The following SH3GL3 variants were observed in gnomAD, a reference collection of about 807,000 sequenced individuals.
The protein encoded by SH3GL3 is endophilin-A3.
A neutral mutation model predicts 47.7 loss-of-function variants in SH3GL3; 33 were observed. That is an observed-to-expected ratio of 0.69 (90% CI 0.52 to 0.92). The LOEUF is 0.92. SH3GL3 is among the 40% of genes least tolerant of loss of function. The pLI, the probability that SH3GL3 is intolerant of heterozygous loss-of-function variation, is 0.00. For missense variants in SH3GL3, 363 were observed against 417.8 expected, an observed-to-expected ratio of 0.87 and a Z score of 1.14; for synonymous variants, 155 against 148.8, an observed-to-expected ratio of 1.04 and a Z score of -0.30.
intron 1 of SH3GL3, among the ~76,000 whole-genome samples, chr15:83,468,796 T>A (rs1384961967): frequency 6.9e-6 from 1 of 145,904 alleles, no homozygotes; most frequent in Middle Eastern, 3.4e-3. Context: ...TGGTCTTTAG[T>A]AGTGTTTTTT....
At chr15:83,549,710 T>G (rs1341138265) in intron 1 of SH3GL3, among the ~76,000 whole-genome samples, 1 of 152,194 alleles carries the variant, frequency 6.6e-6, no homozygotes, top group Non-Finnish European at 1.5e-5. Context: ...GAACATAGCT[T>G]GTCAGGTTTG....
intron 1 of SH3GL3, among the ~76,000 whole-genome samples, chr15:83,494,311 A>G (rs2041994741): frequency 6.6e-6 from 1 of 152,216 alleles, no homozygotes; most frequent in Non-Finnish European, 1.5e-5. Flanking sequence ...GAGGGTGGCC[A>G]TGGAGAACCT....
chr15:83,579,607 C>T (rs566871741), intron 6 of SH3GL3, among the ~76,000 whole-genome samples: 48 of 152,110 alleles, frequency 3.2e-4, no homozygotes, highest in Non-Finnish European at 6.2e-4. Flanking sequence ...ATGATAAAGA[C>T]AGTGGTGATA....
In SH3GL3 at chr15:83,568,665, C is replaced by T; in HGVS notation, c.324C>T (p.Ser108=). ...LKYGKELGED[S]TFGNALIEVG... ...ACGGGAAGGAGCTCGGGGAAGACTCCACCTTTGGTGAGTTATTCAGAGATC... is the reference window on the plus strand; with the variant it reads ...ACGGGAAGGAGCTCGGGGAAGACTCTACCTTTGGTGAGTTATTCAGAGATC... The change falls in exon 4 of 9, where the codon TCC becomes TCT. Residue 108 remains serine, a synonymous_variant. Coordinates refer to ENST00000427482, the MANE Select transcript of SH3GL3 (RefSeq NM_003027.5). 1.9e-6 allele frequency: 3 copies of T among 1,613,386 alleles called. No homozygotes were observed. Among genetic ancestry groups the T allele is most frequent in the Non-Finnish European group, 2.5e-6 (3 of 1,179,458 alleles).
At chr15:83,560,044 C>T (rs2045183454) in intron 2 of SH3GL3, among the ~76,000 whole-genome samples, 1 of 152,142 alleles carries the variant, frequency 6.6e-6, no homozygotes, top group Non-Finnish European at 1.5e-5. Context: ...CTAGAACCAC[C>T]AGTATTAACA....
intron 7 of SH3GL3, among the ~76,000 whole-genome samples, chr15:83,587,881 C>T (rs942204383): frequency 7.2e-5 from 11 of 152,240 alleles, no homozygotes; most frequent in Admixed American, 2.0e-4. Flanking sequence ...GGGATTTTTA[C>T]TTAAATCAAT....
At position 83,592,472 on chromosome 15, in the gene SH3GL3, C is replaced by T. The variant is rs565027078; in HGVS notation, c.838+3701C>T. 4.6e-5 allele frequency among the ~76,000 whole-genome samples: 7 copies of T among 152,128 alleles called. No homozygotes were observed. The East Asian group carries it at 1.4e-3, about 30-fold the overall frequency. On this transcript the variant is annotated intron_variant, in intron 8 of 8. Transcript: ENST00000427482. Reference sequence around the variant, plus strand: ...CTCCAGTCACTTGAATGTGTAAGTGCAGGCTCGTGCAGTAGTCAAAATGCT... The same window carrying T: ...CTCCAGTCACTTGAATGTGTAAGTGTAGGCTCGTGCAGTAGTCAAAATGCT...
intron 8 of SH3GL3, among the ~76,000 whole-genome samples, chr15:83,604,095 G>A (rs565906734): frequency 2.0e-5 from 3 of 152,098 alleles, no homozygotes; most frequent in East Asian, 1.9e-4. Flanking sequence ...GTGGTGAGCC[G>A]AGATCGCACC....
chr15:83,512,379 G>A (rs2042794927), intron 1 of SH3GL3, among the ~76,000 whole-genome samples: 1 of 152,150 alleles, frequency 6.6e-6, no homozygotes, highest in Non-Finnish European at 1.5e-5. Flanking sequence ...CTTGGCTGCT[G>A]CAAGGTCTGG....
chr15:83,559,588 G>A (rs184186507), intron 2 of SH3GL3, among the ~76,000 whole-genome samples: 1 of 152,320 alleles, frequency 6.6e-6, no homozygotes, highest in Non-Finnish European at 1.5e-5. Context: ...ATGTGCAAAA[G>A]ATGGGCAATC....
chr15:83,562,454 A>T (rs1439459072), intron 2 of SH3GL3, among the ~76,000 whole-genome samples: 2 of 152,186 alleles, frequency 1.3e-5, no homozygotes, highest in Non-Finnish European at 2.9e-5. Context: ...AAAGGGTTGT[A>T]TATATCAAAG....
At chr15:83,521,406 A>G (rs562965607) in intron 1 of SH3GL3, among the ~76,000 whole-genome samples, 1 of 152,298 alleles carries the variant, frequency 6.6e-6, no homozygotes, top group Admixed American at 6.5e-5. Context: ...GTGGCAATAT[A>G]AAATCTAGGT....
intron 1 of SH3GL3, among the ~76,000 whole-genome samples, chr15:83,531,720 G>C (rs1055627232): frequency 3.3e-5 from 5 of 152,202 alleles, no homozygotes; most frequent in Non-Finnish European, 5.9e-5. Context: ...GAGCAGTTCA[G>C]AGATGAGATG....
chr15:83,553,451 T>C (rs1223030097), intron 1 of SH3GL3, among the ~76,000 whole-genome samples: 1 of 152,212 alleles, frequency 6.6e-6, no homozygotes, highest in Non-Finnish European at 1.5e-5. Flanking sequence ...TTTAGACTTA[T>C]TACTATCTGA....
At position 83,498,473 on chromosome 15, in the gene SH3GL3, G is replaced by C. The variant is rs1180031389; in HGVS notation, c.45+50895G>C. ...CAATATGTAGTAACTTCCACCAAAT[G>C]CTGTGTTTTGTTATTGTTGCCATTA... On this transcript the variant is annotated intron_variant, in intron 1 of 8. Coordinates refer to ENST00000427482, the MANE Select transcript of SH3GL3 (RefSeq NM_003027.5). Among the ~76,000 whole-genome samples the C allele has an allele frequency of 3.3e-5, 5 of 152,164 alleles. No individual in the cohort carries two copies. In the East Asian group the frequency reaches 9.6e-4, roughly 29 times the overall value.
intron 1 of SH3GL3, among the ~76,000 whole-genome samples, chr15:83,499,159 A>G (rs2042197374): frequency 6.6e-6 from 1 of 152,040 alleles, no homozygotes; most frequent in Admixed American, 6.6e-5. Context: ...CTTGCCTCTC[A>G]TGATCAGGGG....
intron 8 of SH3GL3, among the ~76,000 whole-genome samples, chr15:83,607,775 G>A (rs1645418952): frequency 6.6e-6 from 1 of 151,642 alleles, no homozygotes; most frequent in South Asian, 2.1e-4. Context: ...CTATGCCAAT[G>A]GCCAGAAAGC....
intron 8 of SH3GL3, among the ~76,000 whole-genome samples, chr15:83,606,618 A>G (rs2060523647): frequency 6.6e-6 from 1 of 152,062 alleles, no homozygotes; most frequent in Non-Finnish European, 1.5e-5. Context: ...ATTTCTATAT[A>G]TTATAAGTAG....
At chr15:83,542,977 C>CT (rs141229923) in intron 1 of SH3GL3, among the ~76,000 whole-genome samples, 24,105 of 151,562 alleles carry the variant, frequency 0.16, 2,108 homozygotes, top group African/African-American at 0.22. Flanking sequence ...TGATTAGCTA[C>CT]TTTTTTTTCT....
Sources: allele counts gnomAD v4.1 joint callset (sites outside exome capture counted in the v4.1 genomes callset), GRCh38; gene constraint gnomAD v4.1.1; transcripts MANE v1.5; gene names NCBI Gene and HGNC (gene_info 2026-07-23, HGNC 2026-07-21).